CDYL2: variants seen among roughly 807,000 people sequenced by gnomAD.
CDYL2 encodes the protein chromodomain Y-like protein 2.
Under a neutral mutation model 49.4 loss-of-function variants are expected in CDYL2, and 23 were observed. That is an observed-to-expected ratio of 0.47 (90% CI 0.34 to 0.66). The LOEUF (loss-of-function observed/expected upper bound fraction) is 0.66. Ranked by LOEUF, CDYL2 falls within the 30% of genes least tolerant of loss-of-function variation. CDYL2 has a pLI of 0.01. For synonymous variants in CDYL2, 360 were observed against 268.8 expected (o/e 1.34, Z -3.32); for missense variants, 678 against 656.4 (o/e 1.03, Z -0.36).
chr16:80,684,262 G>A (rs770910567), intron 2 of CDYL2, among the ~76,000 whole-genome samples: 2 of 152,184 alleles, frequency 1.3e-5, no homozygotes, highest in Non-Finnish European at 2.9e-5. Context: ...CCATGGCCTT[G>A]GGTGTCTTGA....
chr16:80,630,444 G>A (rs894127858), intron 3 of CDYL2, among the ~76,000 whole-genome samples: 11 of 152,204 alleles, frequency 7.2e-5, no homozygotes, highest in Non-Finnish European at 4.4e-5. Flanking sequence ...TTTAGAGCAC[G>A]CTTTTAGAAA....
At chr16:80,767,636 T>G (rs1906770079) in intron 1 of CDYL2, among the ~76,000 whole-genome samples, 1 of 152,154 alleles carries the variant, frequency 6.6e-6, no homozygotes, top group South Asian at 2.1e-4. Flanking sequence ...GTGAACAAGG[T>G]AGACAAGGCA....
At position 80,620,348 on chromosome 16, in the gene CDYL2, G is replaced by A. The variant is rs77660114; in HGVS notation, c.1007+415C>T. Among the ~76,000 whole-genome samples, 1,343 of 152,268 alleles carry A rather than the reference G, an allele frequency of 8.8e-3. 22 individuals are homozygous for A. The highest frequency in any genetic ancestry group is 0.029 in the African/African-American group (1,185 of 41,544). Reference sequence around the variant, plus strand: ...ATCAACCTCCCCACTGCTGAGCTACGGCAGTGCTGGGACATACAAACAACC... The same window carrying A: ...ATCAACCTCCCCACTGCTGAGCTACAGCAGTGCTGGGACATACAAACAACC... On this transcript the variant is annotated intron_variant, in intron 4 of 6. Coordinates refer to ENST00000570137, the MANE Select transcript of CDYL2 (RefSeq NM_152342.4).
chr16:80,663,818 C>T (rs1363406573), intron 2 of CDYL2, among the ~76,000 whole-genome samples: 1 of 152,214 alleles, frequency 6.6e-6, no homozygotes, highest in Non-Finnish European at 1.5e-5. Flanking sequence ...GTCTCGAATT[C>T]CTGAGCTCAG....
chr16:80,642,277 T>A (rs982873960), intron 2 of CDYL2, among the ~76,000 whole-genome samples: 11 of 152,056 alleles, frequency 7.2e-5, no homozygotes, highest in Non-Finnish European at 1.5e-4. Context: ...ACCCCATCTC[T>A]ACTAAAAATG....
intron 1 of CDYL2, among the ~76,000 whole-genome samples, chr16:80,716,981 A>G (rs767755051): frequency 1.4e-5 from 2 of 148,106 alleles, no homozygotes; most frequent in Non-Finnish European, 3.0e-5. Context: ...TGGATAGATG[A>G]TTAGATGAAT....
At chr16:80,723,925 G>C (rs996665435) in intron 1 of CDYL2, among the ~76,000 whole-genome samples, 1 of 150,336 alleles carries the variant, frequency 6.7e-6, no homozygotes, top group East Asian at 2.0e-4. Flanking sequence ...AGGAGAAGGA[G>C]TGGAGAAGAA....
At chr16:80,699,482 G>C (rs1400720768) in intron 1 of CDYL2, among the ~76,000 whole-genome samples, 3 of 152,098 alleles carry the variant, frequency 2.0e-5, no homozygotes, top group Non-Finnish European at 4.4e-5. Context: ...TAGAAGTAGA[G>C]AGTAGAACAG....
At chr16:80,774,254 A>G (rs1307020236) in intron 1 of CDYL2, among the ~76,000 whole-genome samples, 2 of 152,188 alleles carry the variant, frequency 1.3e-5, no homozygotes, top group East Asian at 3.8e-4. Flanking sequence ...CATTTGCAAC[A>G]ATACGGATGG....
intron 2 of CDYL2, among the ~76,000 whole-genome samples, chr16:80,651,428 G>C (rs941790447): frequency 1.1e-4 from 17 of 152,144 alleles, no homozygotes; most frequent in African/African-American, 4.1e-4. Context: ...GGTTGCTAGA[G>C]GTTCCAGTGG....
At chr16:80,774,154 T>A (rs534573843) in intron 1 of CDYL2, among the ~76,000 whole-genome samples, 2 of 151,834 alleles carry the variant, frequency 1.3e-5, no homozygotes, top group East Asian at 3.9e-4. Context: ...ATAACAGAAA[T>A]CAGAAGTGAC....
At chr16:80,664,815 G>T in intron 2 of CDYL2, among the ~76,000 whole-genome samples, 1 of 152,062 alleles carries the variant, frequency 6.6e-6, no homozygotes, top group East Asian at 1.9e-4. Context: ...ATATACCTCA[G>T]TTTCCATATC....
intron 2 of CDYL2, among the ~76,000 whole-genome samples, chr16:80,663,467 A>C (rs1000525338): frequency 6.6e-6 from 1 of 152,200 alleles, no homozygotes; most frequent in African/African-American, 2.4e-5. Context: ...GTCATCTGGC[A>C]TGTTAAAATT....
At chr16:80,771,279 G>C (rs1264596173) in intron 1 of CDYL2, among the ~76,000 whole-genome samples, 1 of 152,236 alleles carries the variant, frequency 6.6e-6, no homozygotes, top group Non-Finnish European at 1.5e-5. Flanking sequence ...GGTGTGACAA[G>C]AAGATGAGAA....
intron 1 of CDYL2, among the ~76,000 whole-genome samples, chr16:80,725,207 CAT>C: frequency 6.6e-6 from 1 of 152,266 alleles, no homozygotes; most frequent in Admixed American, 6.5e-5. Flanking sequence ...TACACACACA[CAT>C]ACACACACAC....
intron 1 of CDYL2, among the ~76,000 whole-genome samples, chr16:80,775,578 C>T (rs1168483205): frequency 6.6e-6 from 1 of 150,938 alleles, no homozygotes; most frequent in Non-Finnish European, 1.5e-5. Context: ...TACTAGAACA[C>T]TTAAAGAAAA....
chr16:80,674,406 T>C (rs536851537), intron 2 of CDYL2, among the ~76,000 whole-genome samples: 3 of 149,336 alleles, frequency 2.0e-5, no homozygotes, highest in Admixed American at 6.7e-5. Flanking sequence ...TCATCCTACT[T>C]GCTAGCTTCT....
At chr16:80,766,850 T>C (rs974901238) in intron 1 of CDYL2, among the ~76,000 whole-genome samples, 13 of 152,218 alleles carry the variant, frequency 8.5e-5, no homozygotes, top group African/African-American at 3.1e-4. Context: ...CTTGCAGGTG[T>C]AAATCACAAC....
intron 1 of CDYL2, among the ~76,000 whole-genome samples, chr16:80,788,991 T>C (rs1907524015): frequency 6.6e-6 from 1 of 152,018 alleles, no homozygotes; most frequent in Admixed American, 6.6e-5. Context: ...AAAGAAGACA[T>C]ACAAGTGGCC....
Sources: gnomAD v4.1 joint callset for allele counts (sites outside exome capture counted in the v4.1 genomes callset) on GRCh38, gnomAD v4.1.1 for gene constraint, MANE v1.5 for transcripts, NCBI Gene and HGNC (gene_info 2026-07-23, HGNC 2026-07-21) for gene names.